Variants in DIP2C observed in about 807,000 individuals in gnomAD.
DIP2C encodes disco-interacting protein 2 homolog C.
A neutral mutation model predicts 192.4 loss-of-function variants in DIP2C; 33 were observed. That is an observed-to-expected ratio of 0.17 (90% CI 0.13 to 0.23). DIP2C has a LOEUF of 0.23. Ranked by LOEUF, DIP2C falls within the 10% of genes least tolerant of loss-of-function variation. DIP2C has a pLI of 1.00. For synonymous variants in DIP2C, 979 were observed against 864.1 expected, an observed-to-expected ratio of 1.13 and a Z score of -2.33; for missense variants, 1,537 against 2,110.1, an observed-to-expected ratio of 0.73 and a Z score of 5.32.
intron 22 of DIP2C, among the ~76,000 whole-genome samples, chr10:358,438 G>A (rs1390492342): frequency 6.7e-6 from 1 of 148,820 alleles, no homozygotes; most frequent in Non-Finnish European, 1.5e-5. Context: ...GGACGGGACA[G>A]GATAGAGTCG....
At chr10:643,161 T>G (rs1190066930) in intron 1 of DIP2C, among the ~76,000 whole-genome samples, 1 of 146,830 alleles carries the variant, frequency 6.8e-6, no homozygotes, top group African/African-American at 2.6e-5. Flanking sequence ...GAGGTTGCAG[T>G]GACCCAAGAT....
chr10:524,133 C>T (rs574817788), intron 1 of DIP2C, among the ~76,000 whole-genome samples: 16 of 152,270 alleles, frequency 1.1e-4, no homozygotes, highest in Non-Finnish European at 1.8e-4. Context: ...CAGGCCCTAA[C>T]GTCCATGTCA....
chr10:464,126 A>C (rs1213198414), intron 3 of DIP2C, among the ~76,000 whole-genome samples: 1 of 152,216 alleles, frequency 6.6e-6, no homozygotes, highest in Non-Finnish European at 1.5e-5. Context: ...AATAGCAACA[A>C]AAGCCAAAAT....
intron 24 of DIP2C, among the ~76,000 whole-genome samples, chr10:349,707 ATATATT>A (rs1282136940): frequency 6.6e-6 from 1 of 152,218 alleles, no homozygotes. Flanking sequence ...AAACATCTAG[ATATATT>A]TAGAGTAACA....
intron 8 of DIP2C, among the ~76,000 whole-genome samples, chr10:413,506 GT>G (rs1331806015): frequency 1.3e-5 from 2 of 152,170 alleles, no homozygotes; most frequent in African/African-American, 2.4e-5. Flanking sequence ...GCCATTTCTG[GT>G]TTTAACTCAA....
chr10:531,158 A>G (rs1847347635), intron 1 of DIP2C, among the ~76,000 whole-genome samples: 1 of 152,206 alleles, frequency 6.6e-6, no homozygotes, highest in Non-Finnish European at 1.5e-5. Flanking sequence ...GCTCGCCCCA[A>G]GGTGAACACA....
intron 31 of DIP2C, among the ~76,000 whole-genome samples, chr10:310,832 CA>C (rs1956536757): frequency 1.3e-5 from 2 of 152,136 alleles, no homozygotes; most frequent in Admixed American, 6.5e-5. Flanking sequence ...CATTACAAAC[CA>C]AAATTGTACA....
At chr10:418,472 G>A (rs1965955468) in intron 6 of DIP2C, among the ~76,000 whole-genome samples, 1 of 152,178 alleles carries the variant, frequency 6.6e-6, no homozygotes, top group Non-Finnish European at 1.5e-5. Flanking sequence ...TATGACCTCG[G>A]GAAGGACTGA....
intron 10 of DIP2C, 85 bp downstream of exon 10, chr10:399,024 G>T: frequency 1.7e-6 from 2 of 1,185,946 alleles, no homozygotes; most frequent in Non-Finnish European, 2.5e-6. Flanking sequence ...CAGAAACAGC[G>T]AGGAGACCCT....
chr10:670,301 T>C (rs1043094437), intron 1 of DIP2C, among the ~76,000 whole-genome samples: 8 of 151,640 alleles, frequency 5.3e-5, no homozygotes, highest in Non-Finnish European at 1.0e-4. Flanking sequence ...TGCACACACA[T>C]ACGCACATAC....
intron 3 of DIP2C, among the ~76,000 whole-genome samples, chr10:470,201 G>T (rs1003711874): frequency 1.3e-5 from 2 of 152,134 alleles, no homozygotes; most frequent in Admixed American, 6.5e-5. Context: ...CAGATAGACA[G>T]AGTATCATGT....
At chr10:452,847 G>C (rs1968960753) in intron 3 of DIP2C, among the ~76,000 whole-genome samples, 1 of 152,212 alleles carries the variant, frequency 6.6e-6, no homozygotes, top group African/African-American at 2.4e-5. Flanking sequence ...AAGAGGGATA[G>C]ACTTGACCAC....
intron 32 of DIP2C, among the ~76,000 whole-genome samples, chr10:307,006 C>T (rs1956354575): frequency 6.6e-6 from 1 of 152,170 alleles, no homozygotes; most frequent in African/African-American, 2.4e-5. Flanking sequence ...CAGGTTCTTG[C>T]TCTACCAGCT....
At chr10:367,284 G>T (rs1190975020) in intron 18 of DIP2C, among the ~76,000 whole-genome samples, 2 of 152,006 alleles carry the variant, frequency 1.3e-5, no homozygotes, top group Non-Finnish European at 2.9e-5. Context: ...GGGCGCAGTG[G>T]CGGGCGCCTG....
intron 4 of DIP2C, among the ~76,000 whole-genome samples, chr10:426,262 A>G (rs555308104): frequency 6.6e-6 from 1 of 152,316 alleles, no homozygotes; most frequent in South Asian, 2.1e-4. Context: ...CAAAAACATA[A>G]AACACTCAGC....
In DIP2C at chr10:539,682, GTTC is replaced by G. The variant is rs535388714; in HGVS notation, c.86-53155_86-53153del. Among the ~76,000 whole-genome samples, 10 of 152,324 alleles carry G rather than the reference GTTC, an allele frequency of 6.6e-5. No individual in the cohort carries two copies. The South Asian group carries it at 1.7e-3, about 25-fold the overall frequency. ...CGTTCCTGGTCCAGAGACTTGACATGTTCTTATCTTTTTGTCCACTGATCTAAC... is the reference window on the plus strand; with the variant it reads ...CGTTCCTGGTCCAGAGACTTGACATGTTATCTTTTTGTCCACTGATCTAAC... On this transcript the variant is annotated intron_variant, in intron 1 of 36. Coordinates refer to ENST00000280886, the MANE Select transcript of DIP2C (RefSeq NM_014974.3).
At chr10:414,852 T>TTG (rs748231177) in intron 7 of DIP2C, among the ~76,000 whole-genome samples, 7,096 of 98,724 alleles carry the variant, frequency 0.072, 405 homozygotes, top group Non-Finnish European at 0.085. Flanking sequence ...ACATATATAT[T>TTG]TGTGTGTGTG....
At chr10:521,603 C>CA (rs1386555105) in intron 1 of DIP2C, among the ~76,000 whole-genome samples, 1 of 152,176 alleles carries the variant, frequency 6.6e-6, no homozygotes, top group African/African-American at 2.4e-5. Context: ...TGGCAGTGCT[C>CA]AAGCTCACTG....
At chr10:486,380 G>A (rs562187792) in intron 2 of DIP2C, 79 bp downstream of exon 2, 689 of 1,339,790 alleles carry the variant, frequency 5.1e-4, no homozygotes, top group East Asian at 9.5e-4. Context: ...GCAAGGGAGC[G>A]TCTGCCTCCA....
Sources: allele counts gnomAD v4.1 joint callset (sites outside exome capture counted in the v4.1 genomes callset), GRCh38; gene constraint gnomAD v4.1.1; transcripts MANE v1.5; gene names NCBI Gene and HGNC (gene_info 2026-07-23, HGNC 2026-07-21).